The following ROBO1 variants were observed in gnomAD, a reference collection of about 807,000 sequenced individuals.
The protein encoded by ROBO1 is roundabout guidance receptor 1.
Under a neutral mutation model 195.9 loss-of-function variants are expected in ROBO1, and 149 were observed. The ratio of observed to expected loss-of-function variants is 0.76; its 90% confidence interval spans 0.67 to 0.87. The LOEUF is 0.87. Ranked by LOEUF, ROBO1 falls within the 40% of genes least tolerant of loss-of-function variation. The pLI, the probability that ROBO1 is intolerant of heterozygous loss-of-function variation, is 0.00. For synonymous variants in ROBO1, 816 were observed against 733.2 expected (o/e 1.11, Z -1.82); for missense variants, 1,933 against 2,068.3 (o/e 0.93, Z 1.27).
intron 4 of ROBO1, among the ~76,000 whole-genome samples, chr3:78,871,742 CAAAAAA>C (rs71127366): frequency 8.9e-4 from 99 of 111,384 alleles, no homozygotes; most frequent in Admixed American, 1.0e-3. Context: ...GCTTTCACAG[CAAAAAA>C]AAAAAAAAAA....
Position 78,796,432 on chromosome 3 carries a change from G to A in ROBO1, c.500-49532C>T, listed in dbSNP as rs562012014. Among the ~76,000 whole-genome samples, 966 of 113,642 alleles carry A rather than the reference G, an allele frequency of 8.5e-3. 11 individuals are homozygous for A. Among genetic ancestry groups the A allele is most frequent in the African/African-American group, 0.032 (916 of 28,674 alleles). The allele number at this position is 113,642 out of a possible 152,430, so 74.6% of individuals were successfully genotyped here. On this transcript the variant is annotated intron_variant, in intron 4 of 30. Transcript: ENST00000464233. ...CACACATTCTTTGCTTGGGTCTACA[G>A]TGCAACATACTACAACCAAACATAG...
rs189174091 is a variant in ROBO1, at chr3:79,185,663, A to G, written c.89-60124T>C. ...GATGACAGGAAGTCAATAAAGACCT[A>G]TGTAACTTGATTGTAAAACTTGAAA... On this transcript the variant is annotated intron_variant, in intron 2 of 30. Coordinates refer to ENST00000464233, the MANE Select transcript of ROBO1 (RefSeq NM_002941.4). 2.2e-4 allele frequency among the ~76,000 whole-genome samples: 34 copies of G among 152,266 alleles called. No homozygotes were observed. In the South Asian group the frequency reaches 2.7e-3, roughly 12 times the overall value.
chr3:79,485,157 T>C (rs558792308), intron 2 of ROBO1, among the ~76,000 whole-genome samples: 22 of 152,292 alleles, frequency 1.4e-4, no homozygotes, highest in Non-Finnish European at 3.1e-4. Flanking sequence ...AGCTGCTATA[T>C]AGTAGCCATC....
intron 5 of ROBO1, among the ~76,000 whole-genome samples, chr3:78,740,530 G>A (rs1201018990): frequency 1.3e-5 from 2 of 149,236 alleles, no homozygotes; most frequent in Non-Finnish European, 3.0e-5. Flanking sequence ...GGAGTGCAAT[G>A]GCGCGACCTC....
intron 2 of ROBO1, among the ~76,000 whole-genome samples, chr3:79,275,869 T>A (rs1176439489): frequency 6.7e-6 from 1 of 149,210 alleles, no homozygotes; most frequent in Non-Finnish European, 1.5e-5. Context: ...AAGAAAGTAA[T>A]CCCATTTACA....
At chr3:79,695,815 T>C (rs1437634357) in intron 1 of ROBO1, among the ~76,000 whole-genome samples, 2 of 150,500 alleles carry the variant, frequency 1.3e-5, no homozygotes, top group East Asian at 3.9e-4. Flanking sequence ...ACTGGGAATA[T>C]AAAAAAAAAG....
intron 3 of ROBO1, among the ~76,000 whole-genome samples, chr3:79,055,892 G>A (rs1452007008): frequency 6.6e-6 from 1 of 151,978 alleles, no homozygotes; most frequent in Admixed American, 6.6e-5. Context: ...AAAAACTGGA[G>A]GTTTTCACTC....
chr3:79,538,753 T>C (rs2107634996), intron 2 of ROBO1, among the ~76,000 whole-genome samples: 1 of 152,318 alleles, frequency 6.6e-6, no homozygotes, highest in East Asian at 1.9e-4. Flanking sequence ...GAAATTGTTA[T>C]TCCTAGTGCT....
intron 2 of ROBO1, among the ~76,000 whole-genome samples, chr3:79,349,702 T>G (rs568759065): frequency 1.3e-5 from 2 of 152,300 alleles, no homozygotes; most frequent in East Asian, 3.9e-4. Context: ...GTGCTGAGAC[T>G]ATTCAATGGG....
chr3:79,709,835 G>A (rs1012103632), intron 1 of ROBO1, among the ~76,000 whole-genome samples: 1 of 152,144 alleles, frequency 6.6e-6, no homozygotes, highest in Non-Finnish European at 1.5e-5. Context: ...AGGCCCCAGA[G>A]AGCTAGCTGC....
At chr3:79,247,679 G>T (rs1242789902) in intron 2 of ROBO1, among the ~76,000 whole-genome samples, 7 of 151,888 alleles carry the variant, frequency 4.6e-5, no homozygotes, top group Non-Finnish European at 8.8e-5. Flanking sequence ...TCCACAAAAA[G>T]AAAAAATATT....
intron 1 of ROBO1, among the ~76,000 whole-genome samples, chr3:79,590,543 A>G (rs1328661043): frequency 1.3e-5 from 2 of 151,816 alleles, no homozygotes; most frequent in African/African-American, 4.8e-5. Context: ...CAAAGCTTAT[A>G]ATATTTGGGA....
chr3:79,290,608 A>G (rs2032188274), intron 2 of ROBO1, among the ~76,000 whole-genome samples: 1 of 152,112 alleles, frequency 6.6e-6, no homozygotes, highest in Non-Finnish European at 1.5e-5. Context: ...ACTTACATAT[A>G]TGCTCTGACT....
At chr3:78,656,601 T>A (rs1707040993) in intron 18 of ROBO1, among the ~76,000 whole-genome samples, 1 of 152,110 alleles carries the variant, frequency 6.6e-6, no homozygotes. Context: ...TTTGCCTGCC[T>A]CGGCCTCCCA....
At chr3:79,305,418 C>T (rs1286448481) in intron 2 of ROBO1, among the ~76,000 whole-genome samples, 3 of 135,228 alleles carry the variant, frequency 2.2e-5, no homozygotes, top group Admixed American at 8.6e-5. Flanking sequence ...ACCTGGGAGG[C>T]GGAGGTTGCA....
At chr3:78,800,127 T>C (rs534077889) in intron 4 of ROBO1, among the ~76,000 whole-genome samples, 2 of 152,346 alleles carry the variant, frequency 1.3e-5, no homozygotes, top group South Asian at 2.1e-4. Flanking sequence ...CTAATGACTG[T>C]CATTGATAGT....
chr3:78,848,567 A>C (rs2033826456), intron 4 of ROBO1, among the ~76,000 whole-genome samples: 2 of 152,040 alleles, frequency 1.3e-5, no homozygotes, highest in African/African-American at 4.8e-5. Context: ...TAGAGAAGGG[A>C]GGGGCCAAGT....
chr3:79,074,691 A>G (rs1410496604), intron 3 of ROBO1, among the ~76,000 whole-genome samples: 1 of 151,696 alleles, frequency 6.6e-6, no homozygotes, highest in African/African-American at 2.4e-5. Flanking sequence ...GGTCTCCCAA[A>G]ACATTGGGAT....
chr3:79,730,513 C>T (rs1237812234), intron 1 of ROBO1, among the ~76,000 whole-genome samples: 1 of 152,052 alleles, frequency 6.6e-6, no homozygotes, highest in Non-Finnish European at 1.5e-5. Flanking sequence ...CAAGTTTCAT[C>T]CCCTCTCCAC....
Sources: allele counts gnomAD v4.1 joint callset (sites outside exome capture counted in the v4.1 genomes callset), GRCh38; gene constraint gnomAD v4.1.1; transcripts MANE v1.5; gene names NCBI Gene and HGNC (gene_info 2026-07-23, HGNC 2026-07-21).